The following PHF14 variants were observed in gnomAD, a reference collection of about 807,000 sequenced individuals.
The protein encoded by PHF14 is PHD finger protein 14.
Under a neutral mutation model 117.9 loss-of-function variants are expected in PHF14, and 55 were observed. That is an observed-to-expected ratio of 0.47 (90% CI 0.38 to 0.58). The LOEUF (loss-of-function observed/expected upper bound fraction) is 0.58, where lower values mean the gene tolerates loss of function less well. Among genes scored for constraint, PHF14 ranks in the 20% least tolerant of loss-of-function variants. The probability of loss-of-function intolerance (pLI) is 0.00; values close to 1 mark genes in which losing one functional copy is unlikely to be tolerated. For synonymous variants in PHF14, 409 were observed against 368.6 expected, an observed-to-expected ratio of 1.11 and a Z score of -1.26; for missense variants, 978 against 1,122.2, an observed-to-expected ratio of 0.87 and a Z score of 1.84.
At chr7:11,107,731 T>C in intron 16 of PHF14, 1 of 802,584 alleles carries the variant, frequency 1.2e-6, no homozygotes. Context: ...TAATAAAGTA[T>C]ATTGTGTTAT....
chr7:11,120,940 T>A (rs1787734251), intron 17 of PHF14, among the ~76,000 whole-genome samples: 1 of 152,164 alleles, frequency 6.6e-6, no homozygotes, highest in South Asian at 2.1e-4. Context: ...GAAATTTTTC[T>A]TAGACTATAA....
At chr7:11,121,173 T>G (rs1338138732) in intron 17 of PHF14, among the ~76,000 whole-genome samples, 3 of 152,164 alleles carry the variant, frequency 2.0e-5, no homozygotes, top group Admixed American at 2.0e-4. Context: ...CAACACACCC[T>G]TTTTATTATA....
intron 16 of PHF14, among the ~76,000 whole-genome samples, chr7:11,101,487 G>T (rs1431117876): frequency 6.6e-6 from 1 of 151,794 alleles, no homozygotes; most frequent in Non-Finnish European, 1.5e-5. Context: ...TAGCACGTGT[G>T]ATCTTACTAT....
intron 5 of PHF14, among the ~76,000 whole-genome samples, chr7:11,014,597 G>A (rs1783461414): frequency 6.6e-6 from 1 of 152,092 alleles, no homozygotes; most frequent in Admixed American, 6.6e-5. Context: ...TATAGCTGGG[G>A]CAGAGCACAG....
At position 11,063,021 on chromosome 7, in the gene PHF14, G is replaced by A. The variant is rs573571795; in HGVS notation, c.2654+936G>A. The stretch of plus-strand genomic sequence containing the variant: ...AACAAATATATTAGTGTTGTTGTAT[G>A]TTTTTAAATACTTACTTCCAAATGA... On this transcript the variant is annotated intron_variant, in intron 16 of 17. Transcript: ENST00000634607. 6 of 795,502 alleles carry A rather than the reference G, an allele frequency of 7.5e-6. No homozygotes were observed. The South Asian group carries it at 2.9e-4, about 38-fold the overall frequency. 49.3% of individuals were successfully genotyped at this position (795,502 alleles called of 1,614,324 possible). A position where few individuals can be genotyped will look rare whatever the true frequency, so the allele number is the denominator to read the frequency against.
chr7:11,101,549 T>G (rs1412500565), intron 16 of PHF14, among the ~76,000 whole-genome samples: 1 of 151,864 alleles, frequency 6.6e-6, no homozygotes, highest in Non-Finnish European at 1.5e-5. Flanking sequence ...AAATACAACA[T>G]GTCTTTGAAA....
intron 16 of PHF14, chr7:11,071,312 T>G (rs1364292444): frequency 1.9e-6 from 1 of 517,880 alleles, no homozygotes; most frequent in Non-Finnish European, 3.9e-6. Flanking sequence ...CAAGCTCCTG[T>G]GTAACATACT....
intron 17 of PHF14, among the ~76,000 whole-genome samples, chr7:11,161,146 C>T (rs1259472681): frequency 6.6e-6 from 1 of 152,082 alleles, no homozygotes; most frequent in East Asian, 1.9e-4. Context: ...AGCCAGTTGC[C>T]AGCACCATTT....
intron 16 of PHF14, among the ~76,000 whole-genome samples, chr7:11,076,660 G>A (rs1429792318): frequency 8.1e-5 from 12 of 147,414 alleles, no homozygotes; most frequent in African/African-American, 2.0e-4. Flanking sequence ...CTCTACCTCC[G>A]GGGTTCAAGC....
chr7:10,979,871 C>T (rs1256427534), intron 2 of PHF14, among the ~76,000 whole-genome samples: 1 of 151,990 alleles, frequency 6.6e-6, no homozygotes, highest in Non-Finnish European at 1.5e-5. Flanking sequence ...GACTAATGTA[C>T]TATATTTGGA....
At chr7:11,047,314 T>C (rs1475068973) in intron 13 of PHF14, among the ~76,000 whole-genome samples, 2 of 151,946 alleles carry the variant, frequency 1.3e-5, no homozygotes, top group Admixed American at 6.6e-5. Flanking sequence ...ATGATCCGCC[T>C]GCCTTGGCCT....
chr7:10,974,171 C>A lies in PHF14; in HGVS notation c.-153C>A. 1.5e-6 allele frequency: 1 copy of A among 687,788 alleles called. No individual in the cohort carries two copies. Among genetic ancestry groups the A allele is most frequent in the South Asian group, 1.6e-5 (1 of 61,252 alleles). The allele number at this position is 687,788 out of a possible 1,614,324, so 42.6% of individuals were successfully genotyped here. ...GGGGTTAGGGGACCGCGGGGCTACTCTTGGGAGCGCCCCTGTCCGGCTGGC... is the reference window on the plus strand; with the variant it reads ...GGGGTTAGGGGACCGCGGGGCTACTATTGGGAGCGCCCCTGTCCGGCTGGC... On this transcript the variant is annotated 5_prime_UTR_variant, in exon 1 of 18. Coordinates refer to ENST00000634607, the MANE Select transcript of PHF14 (RefSeq NM_001007157.2).
At chr7:11,158,425 G>C (rs1246683039) in intron 17 of PHF14, among the ~76,000 whole-genome samples, 1 of 152,088 alleles carries the variant, frequency 6.6e-6, no homozygotes, top group African/African-American at 2.4e-5. Flanking sequence ...CAGAGCAGGG[G>C]AACATGATGT....
chr7:11,063,053 C>CT (rs3839763), intron 16 of PHF14: 285,808 of 809,600 alleles, frequency 0.35, 52,148 homozygotes, highest in East Asian at 0.74. Flanking sequence ...ATGATTTAAT[C>CT]TATTTTGGTC....
chr7:11,045,627 A>G (rs1040472433), intron 13 of PHF14, among the ~76,000 whole-genome samples: 1 of 152,166 alleles, frequency 6.6e-6, no homozygotes, highest in Non-Finnish European at 1.5e-5. Flanking sequence ...CTAGATTTGG[A>G]TGCTTTCTTC....
At chr7:11,165,429 G>A (rs1789173387) in intron 17 of PHF14, among the ~76,000 whole-genome samples, 1 of 152,036 alleles carries the variant, frequency 6.6e-6, no homozygotes, top group Admixed American at 6.6e-5. Context: ...TGTTTGCCAT[G>A]TTTCTCCATT....
intron 4 of PHF14, among the ~76,000 whole-genome samples, chr7:11,007,531 T>A (rs150298015): frequency 1.3e-5 from 2 of 152,292 alleles, no homozygotes; most frequent in African/African-American, 4.8e-5. Context: ...CTAGTATTGC[T>A]AGAGTCTTTT....
intron 17 of PHF14, among the ~76,000 whole-genome samples, chr7:11,142,801 G>GT (rs1322182181): frequency 6.6e-6 from 1 of 151,984 alleles, no homozygotes; most frequent in East Asian, 1.9e-4. Flanking sequence ...CTAGATTACA[G>GT]TTTTCTACTG....
intron 16 of PHF14, among the ~76,000 whole-genome samples, chr7:11,082,862 C>A (rs1362233204): frequency 6.6e-6 from 1 of 152,112 alleles, no homozygotes; most frequent in Non-Finnish European, 1.5e-5. Context: ...ATCCTTTATT[C>A]TTTAATCCAC....
Sources: allele counts gnomAD v4.1 joint callset (sites outside exome capture counted in the v4.1 genomes callset), GRCh38; gene constraint gnomAD v4.1.1; transcripts MANE v1.5; gene names NCBI Gene and HGNC (gene_info 2026-07-23, HGNC 2026-07-21).